Variants in HECTD2 observed in about 807,000 individuals in gnomAD.
The protein encoded by HECTD2 is probable E3 ubiquitin-protein ligase HECTD2.
Under a neutral mutation model 103.2 loss-of-function variants are expected in HECTD2, and 35 were observed. The observed-to-expected ratio is 0.34, with a 90% CI of 0.26 to 0.45. HECTD2 has a LOEUF of 0.45. Ranked by LOEUF, HECTD2 falls within the 20% of genes least tolerant of loss-of-function variation. The probability of loss-of-function intolerance (pLI) is 1.00; values close to 1 mark genes in which losing one functional copy is unlikely to be tolerated. For synonymous variants in HECTD2, 281 were observed against 329.9 expected (o/e 0.85, Z 1.61); for missense variants, 596 against 937.4 (o/e 0.64, Z 4.76).
At chr10:91,501,593 G>A (rs1312185985) in intron 20 of HECTD2, among the ~76,000 whole-genome samples, 1 of 152,106 alleles carries the variant, frequency 6.6e-6, no homozygotes, top group Middle Eastern at 3.4e-3. Flanking sequence ...GACTCTTTTA[G>A]AACCTAGTTA....
chr10:91,409,894 G>A (rs1210530242), upstream of HECTD2, among the ~76,000 whole-genome samples: 1 of 152,156 alleles, frequency 6.6e-6, no homozygotes, highest in Admixed American at 6.5e-5. Flanking sequence ...GGCGCCGCAG[G>A]CCAGGGCCGT....
intron 20 of HECTD2, among the ~76,000 whole-genome samples, chr10:91,502,238 T>C (rs1414303555): frequency 1.3e-5 from 2 of 152,212 alleles, no homozygotes; most frequent in African/African-American, 4.8e-5. Context: ...CATTTCTTTC[T>C]ATGCTTTAGT....
chr10:91,486,497 G>C (rs1846272006), intron 10 of HECTD2: 2 of 152,118 alleles, frequency 1.3e-5, no homozygotes, highest in Admixed American at 6.6e-5. Flanking sequence ...AGTTACATTA[G>C]GGTTTTAATC....
At chr10:91,425,225 A>C (rs1010610307) in intron 1 of HECTD2, 56 bp from the exon 2 acceptor site, 1 of 1,293,882 alleles carries the variant, frequency 7.7e-7, no homozygotes, top group Non-Finnish European at 1.0e-6. Context: ...TTTTTGCAAT[A>C]AAATAATTTA....
At chr10:91,421,039 C>G (rs143873838) in intron 1 of HECTD2, among the ~76,000 whole-genome samples, 3,448 of 152,264 alleles carry the variant, frequency 0.023, 56 homozygotes, top group Non-Finnish European at 0.034. Context: ...TTCTTCCCCC[C>G]CTCAGGCTTT....
chr10:91,432,647 A>G lies in HECTD2; in HGVS notation c.268+7237A>G, dbSNP rs961781433. Among the ~76,000 whole-genome samples the G allele has an allele frequency of 2.7e-5, 4 of 147,710 alleles. No individual in the cohort carries two copies. The East Asian group carries it at 7.8e-4, about 29-fold the overall frequency. On this transcript the variant is annotated intron_variant, in intron 2 of 20. Coordinates refer to ENST00000298068, the MANE Select transcript of HECTD2 (RefSeq NM_182765.6). ...GCACAGAATATCTTTAAAAGAAATG[A>G]AGCAATTCTTCCCCAAACTTTAAAA...
chr10:91,503,323 C>T (rs915672545), intron 20 of HECTD2, among the ~76,000 whole-genome samples: 8 of 152,248 alleles, frequency 5.3e-5, no homozygotes, highest in East Asian at 1.9e-4. Context: ...CCAGCCTGAG[C>T]GACGCAGAAG....
chr10:91,409,482 A>T (rs974204501), upstream of HECTD2: 2 of 152,856 alleles, frequency 1.3e-5, no homozygotes, highest in African/African-American at 4.8e-5. Flanking sequence ...GAGACAGCAA[A>T]GGGTTGCGGG....
chr10:91,506,278 C>T (rs556583886), intron 20 of HECTD2, among the ~76,000 whole-genome samples: 287 of 152,186 alleles, frequency 1.9e-3, no homozygotes, highest in Middle Eastern at 3.4e-3. Context: ...AAAATCAGAG[C>T]AGAACTGAAG....
chr10:91,485,043 C>G (rs936549812), intron 9 of HECTD2, 137 bp from the exon 10 acceptor site: 11 of 567,620 alleles, frequency 1.9e-5, no homozygotes, highest in African/African-American at 1.6e-4. Context: ...TTACCCCTTT[C>G]ATTTGGAGCT....
At chr10:91,508,086 TG>T (rs1197675361) in intron 20 of HECTD2, among the ~76,000 whole-genome samples, 1 of 104,570 alleles carries the variant, frequency 9.6e-6, no homozygotes, top group Non-Finnish European at 1.7e-5. Context: ...AAGCTGAAAC[TG>T]GATCCCTTCC....
chr10:91,481,966 GA>G (rs1452445163), intron 7 of HECTD2, among the ~76,000 whole-genome samples: 1 of 151,698 alleles, frequency 6.6e-6, no homozygotes, highest in African/African-American at 2.4e-5. Context: ...GAAAAGGGGG[GA>G]AAATGACCAA....
Position 91,492,348 on chromosome 10 carries a change from A to G in HECTD2, c.1300-4A>G. On this transcript the variant is annotated splice_region_variant and splice_polypyrimidine_tract_variant and intron_variant, in intron 12 of 20. Transcript: ENST00000298068. ...CTCCTCTACTGTATAATATCTTCAA[A>G]TAGCTAACCCGGAAAAGAGCCGATT... 1 of 1,611,442 alleles carries G rather than the reference A, an allele frequency of 6.2e-7. No individual in the cohort carries two copies. Among genetic ancestry groups the G allele is most frequent in the Middle Eastern group, 1.7e-4 (1 of 6,050 alleles).
intron 2 of HECTD2, among the ~76,000 whole-genome samples, chr10:91,428,525 C>A (rs1191355626): frequency 3.9e-5 from 6 of 152,108 alleles, no homozygotes; most frequent in Non-Finnish European, 7.4e-5. Flanking sequence ...AATGTTCTTC[C>A]ATTTGTTTAT....
At chr10:91,506,767 C>T (rs1324302162) in intron 20 of HECTD2, among the ~76,000 whole-genome samples, 2 of 152,010 alleles carry the variant, frequency 1.3e-5, no homozygotes, top group Non-Finnish European at 2.9e-5. Context: ...CTCCCTAACT[C>T]ATTTTATGAG....
chr10:91,500,715 A>G, intron 19 of HECTD2, 98 bp downstream of exon 19: 1 of 607,336 alleles, frequency 1.6e-6, no homozygotes, highest in Non-Finnish European at 2.9e-6. Context: ...TGAATCAATT[A>G]AGTTAGTCAA....
At chr10:91,459,671 T>C (rs1845260150) in intron 2 of HECTD2, among the ~76,000 whole-genome samples, 1 of 152,048 alleles carries the variant, frequency 6.6e-6, no homozygotes, top group Admixed American at 6.6e-5. Flanking sequence ...GAAATAAAAA[T>C]TAAAAGACTT....
rs1231344837 is a variant in HECTD2 at position 91,466,971 on chromosome 10, C to A, written c.600+4787C>A. Among the ~76,000 whole-genome samples the A allele has an allele frequency of 4.6e-5, 7 of 152,002 alleles. No homozygotes were observed. The East Asian group carries it at 1.2e-3, about 25-fold the overall frequency. ...AACTAGATGCAGCCAGGAGGAACATCTGCCACGGAGAGACTGGACATCAGG... is the reference window on the plus strand; with the variant it reads ...AACTAGATGCAGCCAGGAGGAACATATGCCACGGAGAGACTGGACATCAGG... On this transcript the variant is annotated intron_variant, in intron 5 of 20. Transcript: ENST00000298068.
intron 1 of HECTD2, among the ~76,000 whole-genome samples, chr10:91,419,261 T>C (rs1460494356): frequency 1.3e-5 from 2 of 152,206 alleles, no homozygotes; most frequent in South Asian, 2.1e-4. Flanking sequence ...GTTATTCTTA[T>C]TGGCATTGGT....
Sources: gnomAD v4.1 joint callset for allele counts (sites outside exome capture counted in the v4.1 genomes callset) on GRCh38, gnomAD v4.1.1 for gene constraint, MANE v1.5 for transcripts, NCBI Gene and HGNC (gene_info 2026-07-23, HGNC 2026-07-21) for gene names.